Variants in OR9Q1 observed in about 807,000 individuals in gnomAD.
The protein encoded by OR9Q1 is olfactory receptor 9Q1.
For missense variants in OR9Q1, 374 were observed against 378.8 expected, an observed-to-expected ratio of 0.99 and a Z score of 0.11; for synonymous variants, 153 against 148.6, an observed-to-expected ratio of 1.03 and a Z score of -0.22.
At chr11:58,178,321 A>G (rs895238375) in intron 2 of OR9Q1, among the ~76,000 whole-genome samples, 2 of 152,208 alleles carry the variant, frequency 1.3e-5, no homozygotes, top group African/African-American at 4.8e-5. Flanking sequence ...TGATCTTTAC[A>G]AATTATATGG....
intron 2 of OR9Q1, among the ~76,000 whole-genome samples, chr11:58,120,415 G>GAAAAGA (rs1209838589): frequency 6.6e-6 from 1 of 151,898 alleles, no homozygotes; most frequent in African/African-American, 2.4e-5. Flanking sequence ...TTTTTTTAAG[G>GAAAAGA]AAAAGAAAAT....
chr11:58,035,218 A>C (rs1590546624), intron 1 of OR9Q1, among the ~76,000 whole-genome samples: 2 of 152,210 alleles, frequency 1.3e-5, no homozygotes, highest in South Asian at 4.2e-4. Context: ...AAAATAGTCC[A>C]TAGTTAGGTA....
chr11:58,025,589 G>C (rs1009800212), intron 1 of OR9Q1, among the ~76,000 whole-genome samples: 1 of 152,146 alleles, frequency 6.6e-6, no homozygotes, highest in Admixed American at 6.5e-5. Context: ...AGTAGAATTT[G>C]GATGCTCTGG....
rs145583316 is a variant in OR9Q1, at chr11:58,142,816, G to A, written c.-14-36615G>A. On this transcript the variant is annotated intron_variant, in intron 2 of 2. Transcript: ENST00000335397. Reference sequence around the variant, plus strand: ...GTGTGCTGGCTTTGTCTGTTAATGAGTTTTGCAGGCTAATTGTGGAATAGC... The same window carrying A: ...GTGTGCTGGCTTTGTCTGTTAATGAATTTTGCAGGCTAATTGTGGAATAGC... Among the ~76,000 whole-genome samples the A allele has an allele frequency of 2.1e-4, 32 of 152,206 alleles. No homozygotes were observed. The East Asian group carries it at 2.5e-3, about 12-fold the overall frequency.
intron 2 of OR9Q1, among the ~76,000 whole-genome samples, chr11:58,100,142 G>C (rs1590589584): frequency 6.6e-6 from 1 of 152,182 alleles, no homozygotes; most frequent in African/African-American, 2.4e-5. Flanking sequence ...CATTTCAAGA[G>C]AGTGAGAGCA....
chr11:58,072,826 A>C (rs959827633), intron 2 of OR9Q1: 1 of 153,932 alleles, frequency 6.5e-6, no homozygotes, highest in Non-Finnish European at 1.5e-5. Flanking sequence ...CTTTAATACC[A>C]TATGGAGGAT....
At chr11:58,155,416 C>T (rs1011534351) in intron 2 of OR9Q1, among the ~76,000 whole-genome samples, 1 of 152,078 alleles carries the variant, frequency 6.6e-6, no homozygotes, top group Non-Finnish European at 1.5e-5. Flanking sequence ...ATGAACCACA[C>T]AGGTACCTTG....
intron 2 of OR9Q1, chr11:58,077,389 T>C (rs1169081729): frequency 6.6e-6 from 1 of 152,208 alleles, no homozygotes; most frequent in African/African-American, 2.4e-5. Context: ...ATGGCCTTTT[T>C]GAAGGCAACT....
At chr11:58,086,651 T>C (rs1853636917) in intron 2 of OR9Q1, among the ~76,000 whole-genome samples, 1 of 151,854 alleles carries the variant, frequency 6.6e-6, no homozygotes, top group Non-Finnish European at 1.5e-5. Flanking sequence ...ATGGTACATA[T>C]ATACAATGGA....
At chr11:58,110,561 G>T (rs1489946053) in intron 2 of OR9Q1, among the ~76,000 whole-genome samples, 1 of 152,144 alleles carries the variant, frequency 6.6e-6, no homozygotes, top group African/African-American at 2.4e-5. Context: ...CTCTTGAAAT[G>T]AATTATCTGA....
intron 2 of OR9Q1, among the ~76,000 whole-genome samples, chr11:58,085,647 T>A (rs1341511646): frequency 6.6e-6 from 1 of 151,854 alleles, no homozygotes; most frequent in African/African-American, 2.4e-5. Flanking sequence ...TGAAATCAAG[T>A]AGTATTATTT....
chr11:58,148,593 C>A (rs1052973013), intron 2 of OR9Q1, among the ~76,000 whole-genome samples: 1 of 152,138 alleles, frequency 6.6e-6, no homozygotes, highest in South Asian at 2.1e-4. Flanking sequence ...TTCTCCCATG[C>A]CTTTTTGGTG....
chr11:58,069,630 C>T (rs28666693), intron 2 of OR9Q1, among the ~76,000 whole-genome samples: 25,104 of 152,116 alleles, frequency 0.17, 2,218 homozygotes, highest in South Asian at 0.22. Context: ...TCCCAGCACT[C>T]TGGGAGGCTG....
chr11:58,143,298 T>C (rs1590613090), intron 2 of OR9Q1, among the ~76,000 whole-genome samples: 1 of 152,190 alleles, frequency 6.6e-6, no homozygotes, highest in Admixed American at 6.5e-5. Context: ...GAGGCTGAAA[T>C]TCAGAAAGGT....
Position 58,060,653 on chromosome 11 carries a change from C to T in OR9Q1, c.-15+4706C>T, listed in dbSNP as rs540118695. Among the ~76,000 whole-genome samples the T allele has an allele frequency of 1.6e-4, 25 of 152,324 alleles. 1 individual carries two copies. In the South Asian group the frequency reaches 5.2e-3, roughly 32 times the overall value. ...AGGAGTTCGAGACTAGCCTGGCCAGCATGGCGAAACCCTGTCTCTGCTAAA... is the reference window on the plus strand; with the variant it reads ...AGGAGTTCGAGACTAGCCTGGCCAGTATGGCGAAACCCTGTCTCTGCTAAA... On this transcript the variant is annotated intron_variant, in intron 2 of 2. Transcript: ENST00000335397.
intron 2 of OR9Q1, among the ~76,000 whole-genome samples, chr11:58,163,762 C>T (rs1854476541): frequency 1.3e-5 from 2 of 152,136 alleles, no homozygotes; most frequent in African/African-American, 2.4e-5. Context: ...GGCAGGGGGC[C>T]GTTCTCCCAG....
chr11:58,082,737 A>T (rs1853599832), intron 2 of OR9Q1, among the ~76,000 whole-genome samples: 1 of 93,404 alleles, frequency 1.1e-5, no homozygotes, highest in Admixed American at 9.8e-5. Context: ...CCTAAAACTT[A>T]AAGTATAATA....
At chr11:58,103,349 C>A (rs1268715700) in intron 2 of OR9Q1, among the ~76,000 whole-genome samples, 2 of 152,118 alleles carry the variant, frequency 1.3e-5, no homozygotes, top group Non-Finnish European at 2.9e-5. Flanking sequence ...CCTCCCACAA[C>A]ATGCGGTGAT....
At chr11:58,042,433 T>A in intron 1 of OR9Q1, among the ~76,000 whole-genome samples, 1 of 151,908 alleles carries the variant, frequency 6.6e-6, no homozygotes, top group Non-Finnish European at 1.5e-5. Context: ...TTTTCTCAGG[T>A]TTGTCAAAGA....
Sources: gnomAD v4.1 joint callset for allele counts (sites outside exome capture counted in the v4.1 genomes callset) on GRCh38, gnomAD v4.1.1 for gene constraint, MANE v1.5 for transcripts, NCBI Gene and HGNC (gene_info 2026-07-23, HGNC 2026-07-21) for gene names.